The following SV2C variants were observed in gnomAD, a reference collection of about 807,000 sequenced individuals.
SV2C encodes the protein synaptic vesicle glycoprotein 2C, also known as solute carrier family 22 member B3.
A neutral mutation model predicts 79.7 loss-of-function variants in SV2C; 49 were observed. The ratio of observed to expected loss-of-function variants is 0.61; its 90% CI spans 0.49 to 0.78. The LOEUF (loss-of-function observed/expected upper bound fraction) is 0.78. SV2C is among the 30% of genes least tolerant of loss of function. SV2C has a pLI of 0.00. For missense variants in SV2C, 833 were observed against 912.9 expected (o/e 0.91, Z 1.13); for synonymous variants, 334 against 333.2 (o/e 1.00, Z -0.03).
chr5:76,311,788 G>A (rs1748450795), intron 12 of SV2C, among the ~76,000 whole-genome samples: 1 of 152,110 alleles, frequency 6.6e-6, no homozygotes, highest in Non-Finnish European at 1.5e-5. Context: ...TGGTGTGGGG[G>A]AGCTTCCTTT....
chr5:75,991,193 T>C, the SV2C span, among the ~76,000 whole-genome samples: 2 of 151,960 alleles, frequency 1.3e-5, no homozygotes, highest in African/African-American at 4.8e-5. Context: ...TCAAATTCTA[T>C]TGGTTACCAG....
At chr5:76,147,217 A>G (rs1378040710) in intron 2 of SV2C, among the ~76,000 whole-genome samples, 1 of 152,238 alleles carries the variant, frequency 6.6e-6, no homozygotes, top group East Asian at 1.9e-4. Context: ...ATTTTCTGCT[A>G]CATAAATTTT....
the SV2C span, among the ~76,000 whole-genome samples, chr5:76,002,559 TG>T: frequency 3.9e-5 from 6 of 152,206 alleles, no homozygotes; most frequent in African/African-American, 1.4e-4. Flanking sequence ...ATGGGTAAAT[TG>T]TATGCTATGT....
chr5:75,972,630 C>T, the SV2C span, among the ~76,000 whole-genome samples: 2 of 152,074 alleles, frequency 1.3e-5, no homozygotes, highest in African/African-American at 2.4e-5. Flanking sequence ...CAATGAGATA[C>T]CATCTCACAC....
chr5:76,291,662 C>G (rs1747570050), intron 7 of SV2C, 106 bp from the exon 8 acceptor site: 1 of 748,268 alleles, frequency 1.3e-6, no homozygotes, highest in Non-Finnish European at 2.2e-6. Context: ...TGAAATGAAT[C>G]CAACCCAATG....
chr5:76,287,841 C>T (rs1354578583), intron 6 of SV2C, among the ~76,000 whole-genome samples: 1 of 152,182 alleles, frequency 6.6e-6, no homozygotes, highest in Non-Finnish European at 1.5e-5. Flanking sequence ...AATCCCAGCA[C>T]TTTGGGAGGC....
At chr5:75,895,100 T>C in the SV2C span, among the ~76,000 whole-genome samples, 1 of 152,138 alleles carries the variant, frequency 6.6e-6, no homozygotes, top group Non-Finnish European at 1.5e-5. Context: ...ACGAATGCAG[T>C]ATTTATAGAA....
intron 4 of SV2C, among the ~76,000 whole-genome samples, chr5:76,264,626 G>A (rs1156498602): frequency 6.6e-6 from 1 of 152,202 alleles, no homozygotes; most frequent in African/African-American, 2.4e-5. Flanking sequence ...CTGTGTGGGA[G>A]TCCTTTTTGT....
chr5:76,308,217 CA>C (rs1748274443), intron 12 of SV2C, among the ~76,000 whole-genome samples: 1 of 152,092 alleles, frequency 6.6e-6, no homozygotes, highest in Non-Finnish European at 1.5e-5. Flanking sequence ...TTATTATTAC[CA>C]GGTGGACGTA....
At chr5:76,081,590 A>G (rs771870862), upstream of SV2C, among the ~76,000 whole-genome samples, 1 of 152,228 alleles carries the variant, frequency 6.6e-6, no homozygotes, top group South Asian at 2.1e-4. Context: ...AATGAAAATG[A>G]GCACGTTCAC....
In SV2C at chr5:76,330,888, G is replaced by A. The variant is rs1431841917; in HGVS notation, c.*5341G>A. The A allele has an allele frequency of 1.4e-5, 2 of 148,122 alleles. No individual in the cohort carries two copies. Among genetic ancestry groups the A allele is most frequent in the African/African-American group, 5.0e-5 (2 of 39,802 alleles). The allele number at this position is 148,122 out of a possible 1,614,324, so 9.2% of individuals were successfully genotyped here. A position where few individuals can be genotyped will look rare whatever the true frequency, so the allele number is the denominator to read the frequency against. On this transcript the variant is annotated 3_prime_UTR_variant, in exon 13 of 13. Coordinates refer to ENST00000502798, the MANE Select transcript of SV2C (RefSeq NM_014979.4). ...GCGGGGGGGCGGGGGACGGAGTCTC[G>A]CTCTATTACTTAGGCCGGAGTGCAG...
At chr5:75,940,434 C>T in the SV2C span, among the ~76,000 whole-genome samples, 5 of 139,874 alleles carry the variant, frequency 3.6e-5, no homozygotes, top group Non-Finnish European at 6.1e-5. Context: ...ATTTTTCACT[C>T]GCCTGTGCAG....
chr5:76,104,420 C>T (rs1308641787), intron 1 of SV2C, among the ~76,000 whole-genome samples: 1 of 152,164 alleles, frequency 6.6e-6, no homozygotes, highest in East Asian at 1.9e-4. Flanking sequence ...GTTGGCCAGG[C>T]TGGAATGCAG....
chr5:76,037,505 G>T, the SV2C span, among the ~76,000 whole-genome samples: 1 of 152,278 alleles, frequency 6.6e-6, no homozygotes, highest in South Asian at 2.1e-4. Context: ...GTACCCGGCC[G>T]TGTGAGGTGT....
At chr5:75,991,775 T>C in the SV2C span, among the ~76,000 whole-genome samples, 1 of 151,702 alleles carries the variant, frequency 6.6e-6, no homozygotes, top group Non-Finnish European at 1.5e-5. Context: ...ATTCTTACTT[T>C]AGTATGATCC....
intron 10 of SV2C, 108 bp from the exon 11 acceptor site, chr5:76,300,621 C>T (rs374570282): frequency 8.4e-7 from 1 of 1,190,138 alleles, no homozygotes; most frequent in African/African-American, 1.5e-5. Context: ...TGAAAGCCCT[C>T]AAGGAATTTA....
chr5:75,879,751 A>G, the SV2C span, among the ~76,000 whole-genome samples: 1 of 152,216 alleles, frequency 6.6e-6, no homozygotes, highest in Non-Finnish European at 1.5e-5. Flanking sequence ...CCACTAGGCA[A>G]TGCCCCAGTG....
the SV2C span, among the ~76,000 whole-genome samples, chr5:75,923,573 A>T: frequency 6.6e-6 from 1 of 151,944 alleles, no homozygotes. Flanking sequence ...AAATCAGCAT[A>T]AAAAAAATCC....
chr5:75,898,015 C>G, the SV2C span, among the ~76,000 whole-genome samples: 1 of 151,834 alleles, frequency 6.6e-6, no homozygotes, highest in Non-Finnish European at 1.5e-5. Flanking sequence ...CGTCTGCAAA[C>G]AGGGACAATT....
Sources: allele counts gnomAD v4.1 joint callset (sites outside exome capture counted in the v4.1 genomes callset), GRCh38; gene constraint gnomAD v4.1.1; transcripts MANE v1.5; gene names NCBI Gene and HGNC (gene_info 2026-07-23, HGNC 2026-07-21).